The following RFX4 variants were observed in gnomAD, a reference collection of about 807,000 sequenced individuals.
The protein encoded by RFX4 is transcription factor RFX4.
Under a neutral mutation model 95.0 loss-of-function variants are expected in RFX4, and 10 were observed. The ratio of observed to expected loss-of-function variants is 0.11; its 90% CI spans 0.06 to 0.18. The LOEUF is 0.18. Ranked by LOEUF, RFX4 falls within the 10% of genes least tolerant of loss-of-function variation. RFX4 has a pLI of 1.00. For synonymous variants in RFX4, 321 were observed against 340.7 expected (o/e 0.94, Z 0.64); for missense variants, 640 against 922.0 (o/e 0.69, Z 3.96).
At chr12:106,608,101 A>G (rs937627848) in intron 1 of RFX4, among the ~76,000 whole-genome samples, 2 of 152,096 alleles carry the variant, frequency 1.3e-5, no homozygotes, top group Non-Finnish European at 2.9e-5. Flanking sequence ...AGGCAGGAGA[A>G]TTGCTTGAGC....
chr12:106,696,952 G>A (rs2041891515), intron 8 of RFX4, among the ~76,000 whole-genome samples: 2 of 152,092 alleles, frequency 1.3e-5, no homozygotes, highest in African/African-American at 4.8e-5. Context: ...CCTTCTGCTG[G>A]GGCCAGAGGT....
intron 4 of RFX4, among the ~76,000 whole-genome samples, chr12:106,654,596 A>G (rs2040919651): frequency 6.6e-6 from 1 of 152,198 alleles, no homozygotes; most frequent in South Asian, 2.1e-4. Context: ...TCATGAAGTC[A>G]CTTATTTTCT....
chr12:106,632,439 GA>G (rs2040434102), intron 2 of RFX4, among the ~76,000 whole-genome samples: 1 of 152,166 alleles, frequency 6.6e-6, no homozygotes, highest in Non-Finnish European at 1.5e-5. Context: ...GTCTCCCAGT[GA>G]AAACGAAAAG....
intron 15 of RFX4, among the ~76,000 whole-genome samples, chr12:106,743,569 A>G (rs974531236): frequency 6.6e-6 from 1 of 152,182 alleles, no homozygotes; most frequent in Non-Finnish European, 1.5e-5. Flanking sequence ...GATAACGTCT[A>G]TTTCTAGCAG....
intron 11 of RFX4, among the ~76,000 whole-genome samples, chr12:106,716,885 C>G (rs2042303703): frequency 6.7e-6 from 1 of 149,968 alleles, no homozygotes; most frequent in South Asian, 2.1e-4. Context: ...GAACCTAACT[C>G]AAGGTCATGC....
intron 8 of RFX4, among the ~76,000 whole-genome samples, chr12:106,705,867 A>C (rs2042074559): frequency 6.6e-6 from 1 of 152,204 alleles, no homozygotes; most frequent in Non-Finnish European, 1.5e-5. Flanking sequence ...GTCTGGCACT[A>C]TGCTAGGTAC....
At chr12:106,697,233 T>C (rs1004424145) in intron 8 of RFX4, among the ~76,000 whole-genome samples, 6 of 152,150 alleles carry the variant, frequency 3.9e-5, no homozygotes, top group Non-Finnish European at 8.8e-5. Flanking sequence ...TTGTGACATG[T>C]CCCTTGTAAA....
intron 7 of RFX4, among the ~76,000 whole-genome samples, chr12:106,689,584 T>G (rs915107267): frequency 6.6e-6 from 1 of 152,180 alleles, no homozygotes; most frequent in Non-Finnish European, 1.5e-5. Flanking sequence ...CTTGGCCTCC[T>G]CCTTTGACTG....
chr12:106,733,107 A>T (rs750304297), intron 15 of RFX4, 22 bp downstream of exon 15: 11 of 1,611,848 alleles, frequency 6.8e-6, no homozygotes, highest in Non-Finnish European at 3.4e-6. Context: ...TCCTTCAAAA[A>T]CTTTGGGTAG....
chr12:106,679,550 T>A (rs539529182), intron 4 of RFX4, among the ~76,000 whole-genome samples: 1 of 152,310 alleles, frequency 6.6e-6, no homozygotes, highest in African/African-American at 2.4e-5. Flanking sequence ...TAGGAAAATT[T>A]CTGCTTTTTC....
At chr12:106,635,545 T>C (rs2040494641) in intron 2 of RFX4, among the ~76,000 whole-genome samples, 1 of 152,128 alleles carries the variant, frequency 6.6e-6, no homozygotes, top group African/African-American at 2.4e-5. Flanking sequence ...ACTCCTGGCC[T>C]CAAGTGATCT....
At chr12:106,637,734 A>C (rs1430387568) in intron 2 of RFX4, among the ~76,000 whole-genome samples, 3 of 152,178 alleles carry the variant, frequency 2.0e-5, no homozygotes, top group Non-Finnish European at 2.9e-5. Context: ...AAATTGTGAC[A>C]AATTCTTTTT....
chr12:106,593,994 C>G (rs2039581185), intron 1 of RFX4, among the ~76,000 whole-genome samples: 1 of 152,292 alleles, frequency 6.6e-6, no homozygotes, highest in African/African-American at 2.4e-5. Context: ...GATAATAAGT[C>G]TAGGGTGAGG....
chr12:106,747,404 T>A lies in RFX4; in HGVS notation c.1634-33T>A, dbSNP rs765120935. 8.1e-6 allele frequency: 13 copies of A among 1,605,770 alleles called. No individual in the cohort carries two copies. In the African/African-American group the frequency reaches 1.6e-4, roughly 20 times the overall value. On this transcript the variant is annotated intron_variant, in intron 15 of 17. Coordinates refer to ENST00000392842, the MANE Select transcript of RFX4 (RefSeq NM_213594.3). ...GAAGAACAAGGGATATGAGAACTGT[T>A]AATGATCAAGACGTCTTAATTTGTC...
chr12:106,740,213 C>T (rs761424574), intron 15 of RFX4, among the ~76,000 whole-genome samples: 1 of 152,220 alleles, frequency 6.6e-6, no homozygotes, highest in African/African-American at 2.4e-5. Flanking sequence ...TGTAGAACAT[C>T]TGGCCTGCCC....
intron 1 of RFX4, among the ~76,000 whole-genome samples, chr12:106,604,621 C>G (rs1382621696): frequency 6.6e-6 from 1 of 151,502 alleles, no homozygotes; most frequent in Non-Finnish European, 1.5e-5. Flanking sequence ...CATTCTTTGA[C>G]ATGTGTGTCA....
intron 5 of RFX4, 43 bp from the exon 6 acceptor site, chr12:106,686,835 CTCTCTT>C: frequency 6.6e-7 from 1 of 1,509,290 alleles, no homozygotes; most frequent in African/African-American, 1.6e-5. Flanking sequence ...ATGTGGGTCT[CTCTCTT>C]TTTTTTTTTT....
intron 4 of RFX4, among the ~76,000 whole-genome samples, chr12:106,671,168 C>T (rs925261546): frequency 6.6e-6 from 1 of 152,198 alleles, no homozygotes; most frequent in African/African-American, 2.4e-5. Flanking sequence ...TTATCTCCTT[C>T]AGTGTGTGGA....
At chr12:106,674,246 ACTTCCTTT>A (rs972969835) in intron 4 of RFX4, among the ~76,000 whole-genome samples, 5 of 151,744 alleles carry the variant, frequency 3.3e-5, no homozygotes, top group African/African-American at 1.2e-4. Context: ...TCATTCTCTC[ACTTCCTTT>A]AGGTCACTAC....
Sources: gnomAD v4.1 joint callset for allele counts (sites outside exome capture counted in the v4.1 genomes callset) on GRCh38, gnomAD v4.1.1 for gene constraint, MANE v1.5 for transcripts, NCBI Gene and HGNC (gene_info 2026-07-23, HGNC 2026-07-21) for gene names.